ZNF106: variants seen among roughly 807,000 people sequenced by gnomAD.
ZNF106 encodes the protein zinc finger protein 106.
In ZNF106, 67 loss-of-function variants were observed where a neutral mutation model predicts 195.1. The observed-to-expected ratio is 0.34, with a 90% CI of 0.28 to 0.42. The LOEUF (loss-of-function observed/expected upper bound fraction) is 0.42, where lower values mean the gene tolerates loss of function less well. Among genes scored for constraint, ZNF106 ranks in the 10% least tolerant of loss-of-function variants. The pLI is 1.00. For missense variants in ZNF106, 2,118 were observed against 2,304.5 expected (o/e 0.92, Z 1.66); for synonymous variants, 784 against 818.6 (o/e 0.96, Z 0.72).
chr15:42,476,802 C>A (rs1281604709), intron 1 of ZNF106, among the ~76,000 whole-genome samples: 1 of 152,152 alleles, frequency 6.6e-6, no homozygotes, highest in Non-Finnish European at 1.5e-5. Flanking sequence ...GACCTGCGAA[C>A]CGCAAACCTG....
intron 3 of ZNF106, 24 bp downstream of exon 3, chr15:42,466,029 T>G (rs768342055): frequency 6.6e-7 from 1 of 1,525,448 alleles, no homozygotes; most frequent in Non-Finnish European, 8.8e-7. Flanking sequence ...TTCACAAACT[T>G]ATGGAAGAGA....
intron 14 of ZNF106, among the ~76,000 whole-genome samples, chr15:42,430,407 G>T (rs2055007972): frequency 6.6e-6 from 1 of 151,960 alleles, no homozygotes; most frequent in Non-Finnish European, 1.5e-5. Context: ...GAAAGACAAG[G>T]TCTCGCTCTG....
chr15:42,466,017 C>T (rs1486442950), intron 3 of ZNF106, 36 bp downstream of exon 3: 3 of 1,507,162 alleles, frequency 2.0e-6, no homozygotes, highest in Non-Finnish European at 2.7e-6. Flanking sequence ...GATCCACCCA[C>T]ATTCACAAAC....
chr15:42,456,977 G>T lies in ZNF106; in HGVS notation c.298C>A (p.Gln100Lys). 1 of 1,612,594 alleles carries T rather than the reference G, an allele frequency of 6.2e-7. No homozygotes were observed. Among genetic ancestry groups the T allele is most frequent in the Admixed American group, 1.7e-5 (1 of 59,786 alleles). ...ACTTACCGACTTTGTTCTTTCCTTT[G>T]TTTTATTAACTGAATGAGTTCCTTG... ...FDKELIQLIK[Q>K]RKEQSRQDEP... Residue 100 changes from glutamine (Q) to lysine (K), a missense_variant, in exon 4 of 22, where the codon CAA (glutamine) becomes AAA (lysine). Transcript: ENST00000564754.
chr15:42,431,094 G>A (rs958815066), intron 14 of ZNF106, among the ~76,000 whole-genome samples: 1 of 151,810 alleles, frequency 6.6e-6, no homozygotes, highest in Non-Finnish European at 1.5e-5. Context: ...AATTTCCCTC[G>A]TGATTCCTTC....
chr15:42,447,809 C>A (rs760469011), intron 6 of ZNF106, among the ~76,000 whole-genome samples: 3 of 152,156 alleles, frequency 2.0e-5, no homozygotes, highest in Non-Finnish European at 4.4e-5. Flanking sequence ...TCAGGTGATA[C>A]AAAGAATCAT....
intron 1 of ZNF106, among the ~76,000 whole-genome samples, chr15:42,477,013 T>C (rs1165492511): frequency 6.6e-6 from 1 of 152,198 alleles, no homozygotes; most frequent in African/African-American, 2.4e-5. Flanking sequence ...TCAAAAGCTA[T>C]AGATGGATTA....
intron 3 of ZNF106, among the ~76,000 whole-genome samples, chr15:42,461,428 CAT>C (rs1165012322): frequency 6.6e-6 from 1 of 152,238 alleles, no homozygotes; most frequent in Non-Finnish European, 1.5e-5. Flanking sequence ...AATTTCCTCT[CAT>C]GTGTGAAACA....
At chr15:42,458,922 AC>A (rs1351547229) in intron 3 of ZNF106, among the ~76,000 whole-genome samples, 16 of 152,226 alleles carry the variant, frequency 1.1e-4, no homozygotes, top group Admixed American at 7.8e-4. Flanking sequence ...GTTTAAAAAA[AC>A]AACACTGTTC....
intron 20 of ZNF106, among the ~76,000 whole-genome samples, chr15:42,419,282 G>A (rs138270762): frequency 3.7e-4 from 56 of 152,132 alleles, no homozygotes; most frequent in African/African-American, 1.3e-3. Flanking sequence ...CAGGAGAATC[G>A]CTGGAACTTG....
At chr15:42,484,638 T>G (rs1751046108) in intron 1 of ZNF106, among the ~76,000 whole-genome samples, 2 of 152,186 alleles carry the variant, frequency 1.3e-5, no homozygotes, top group Non-Finnish European at 2.9e-5. Context: ...CTCAGGAAGC[T>G]TACGCACGAG....
chr15:42,425,845 CACA>C (rs1194946719), intron 15 of ZNF106: 9 of 152,174 alleles, frequency 5.9e-5, no homozygotes, highest in East Asian at 1.9e-4. Context: ...TGTCATCTCT[CACA>C]ACATCATTTA....
At chr15:42,421,636 T>C (rs2054661589) in intron 19 of ZNF106, among the ~76,000 whole-genome samples, 1 of 152,188 alleles carries the variant, frequency 6.6e-6, no homozygotes, top group Non-Finnish European at 1.5e-5. Context: ...TCCATTCAGA[T>C]CATGTCTCTG....
At chr15:42,417,734 A>T in intron 21 of ZNF106, 71 bp downstream of exon 21, 2 of 1,479,044 alleles carry the variant, frequency 1.4e-6, no homozygotes, top group East Asian at 2.4e-5. Context: ...TCAATAATAA[A>T]AAAGGTTTGC....
intron 1 of ZNF106, among the ~76,000 whole-genome samples, chr15:42,482,623 G>A (rs1229839225): frequency 2.0e-5 from 3 of 146,480 alleles, no homozygotes; most frequent in African/African-American, 7.8e-5. Context: ...CCTCCTCCCG[G>A]GTTCAAGCAA....
intron 4 of ZNF106, among the ~76,000 whole-genome samples, chr15:42,455,810 C>G (rs975456349): frequency 6.6e-6 from 1 of 152,180 alleles, no homozygotes; most frequent in East Asian, 1.9e-4. Flanking sequence ...ATTTTAGAAT[C>G]TGAAATGATT....
rs2141423488 is a variant in ZNF106 at position 42,472,315 on chromosome 15, G to GT, written c.-27dup. Reference sequence around the variant, plus strand: ...AGTGACCAGATCTGAAGCACTCAACGTCACAGCTGCAATGAGGAAGTAACA... The same window carrying GT: ...AGTGACCAGATCTGAAGCACTCAACGTTCACAGCTGCAATGAGGAAGTAACA... On this transcript the variant is annotated 5_prime_UTR_variant, in exon 2 of 22. Coordinates refer to ENST00000564754, the MANE Select transcript of ZNF106 (RefSeq NM_001366845.3). 2.0e-6 allele frequency: 3 copies of GT among 1,533,348 alleles called. No individual in the cohort carries two copies. The East Asian group carries it at 7.3e-5, about 38-fold the overall frequency. 95.0% of individuals were successfully genotyped at this position (1,533,348 alleles called of 1,614,324 possible).
chr15:42,487,283 A>G (rs974032601), intron 1 of ZNF106, among the ~76,000 whole-genome samples: 1 of 151,948 alleles, frequency 6.6e-6, no homozygotes, highest in African/African-American at 2.4e-5. Flanking sequence ...GGAGTTCAAC[A>G]CCATTCTGGG....
intron 15 of ZNF106, among the ~76,000 whole-genome samples, chr15:42,427,172 T>TG (rs2054890126): frequency 6.6e-6 from 1 of 152,244 alleles, no homozygotes; most frequent in South Asian, 2.1e-4. Flanking sequence ...CTCTTCATCC[T>TG]GTTTAACCTT....
Sources: allele counts gnomAD v4.1 joint callset (sites outside exome capture counted in the v4.1 genomes callset), GRCh38; gene constraint gnomAD v4.1.1; transcripts MANE v1.5; gene names NCBI Gene and HGNC (gene_info 2026-07-23, HGNC 2026-07-21).